AKAP6: variants seen among roughly 807,000 people sequenced by gnomAD.
AKAP6 encodes A-kinase anchor protein 6.
Under a neutral mutation model 188.5 loss-of-function variants are expected in AKAP6, and 58 were observed. The ratio of observed to expected loss-of-function variants is 0.31; its 90% CI spans 0.25 to 0.38. The LOEUF (loss-of-function observed/expected upper bound fraction) is 0.38. AKAP6 is among the 10% of genes least tolerant of loss of function. AKAP6 has a pLI of 1.00. For synonymous variants in AKAP6, 989 were observed against 998.6 expected (o/e 0.99, Z 0.18); for missense variants, 2,710 against 2,740.0 (o/e 0.99, Z 0.24).
intron 5 of AKAP6, among the ~76,000 whole-genome samples, chr14:32,589,794 C>T (rs1194411234): frequency 6.6e-6 from 1 of 152,050 alleles, no homozygotes; most frequent in Non-Finnish European, 1.5e-5. Flanking sequence ...TTAAGCACTT[C>T]CTATTTAGGG....
intron 7 of AKAP6, among the ~76,000 whole-genome samples, chr14:32,639,730 G>A (rs989248214): frequency 1.3e-5 from 2 of 152,302 alleles, no homozygotes; most frequent in Admixed American, 1.3e-4. Context: ...GGTTAGGCAA[G>A]TGTTCACCAA....
intron 7 of AKAP6, among the ~76,000 whole-genome samples, chr14:32,627,073 G>A (rs1425877480): frequency 6.6e-6 from 1 of 152,066 alleles, no homozygotes; most frequent in Non-Finnish European, 1.5e-5. Context: ...TAGAAGAAGA[G>A]ATTATATATT....
At chr14:32,332,852 A>G (rs936040965) in intron 1 of AKAP6, among the ~76,000 whole-genome samples, 2 of 152,160 alleles carry the variant, frequency 1.3e-5, no homozygotes, top group Non-Finnish European at 1.5e-5. Context: ...ACAAAGTACA[A>G]GAATGACAGT....
At position 32,427,289 on chromosome 14, in the gene AKAP6, A is replaced by G. The variant is rs146981654; in HGVS notation, c.-34-6171A>G. Among the ~76,000 whole-genome samples, 767 of 152,284 alleles carry G rather than the reference A, an allele frequency of 5.0e-3. 9 individuals carry two copies. The highest frequency in any genetic ancestry group is 0.018 in the African/African-American group (743 of 41,558). The stretch of plus-strand genomic sequence containing the variant: ...TTACTCTGCGTGAGTGCTGGAGGGC[A>G]TTGGGGTGGGCAGGGAAAGAGAGCA... On this transcript the variant is annotated intron_variant, in intron 1 of 13. Coordinates refer to ENST00000280979, the MANE Select transcript of AKAP6 (RefSeq NM_004274.5).
chr14:32,532,335 T>C (rs1268107798), intron 2 of AKAP6, among the ~76,000 whole-genome samples: 1 of 152,166 alleles, frequency 6.6e-6, no homozygotes, highest in Non-Finnish European at 1.5e-5. Flanking sequence ...CCCTTAGGGG[T>C]CCATCTGCTT....
Position 32,539,574 on chromosome 14 carries a change from G to A in AKAP6, c.576+3769G>A, listed in dbSNP as rs563627092. On this transcript the variant is annotated intron_variant, in intron 3 of 13. Transcript: ENST00000280979. ...ATCCCTGCTTTAGATGTGGAAGAGG[G>A]AGACATAATTTCAGTTTGATAAACT... 1.2e-4 allele frequency among the ~76,000 whole-genome samples: 19 copies of A among 152,254 alleles called. No homozygotes were observed. In the South Asian group the frequency reaches 3.9e-3, roughly 32 times the overall value.
intron 1 of AKAP6, among the ~76,000 whole-genome samples, chr14:32,366,514 TCA>T (rs1052404575): frequency 2.0e-5 from 3 of 152,244 alleles, no homozygotes; most frequent in African/African-American, 7.2e-5. Context: ...CTCTCTGACT[TCA>T]GTCCAAGGTC....
At chr14:32,366,505 T>C (rs1887840189) in intron 1 of AKAP6, among the ~76,000 whole-genome samples, 1 of 152,194 alleles carries the variant, frequency 6.6e-6, no homozygotes, top group African/African-American at 2.4e-5. Context: ...TGGCAGATAC[T>C]CTCTGACTTC....
intron 5 of AKAP6, among the ~76,000 whole-genome samples, chr14:32,596,240 G>A (rs540978572): frequency 1.2e-4 from 19 of 152,176 alleles, no homozygotes; most frequent in African/African-American, 4.3e-4. Flanking sequence ...TATTTCCTTG[G>A]TTTTATGTCC....
At chr14:32,511,808 G>T (rs989444573) in intron 2 of AKAP6, among the ~76,000 whole-genome samples, 1 of 152,002 alleles carries the variant, frequency 6.6e-6, no homozygotes, top group South Asian at 2.1e-4. Flanking sequence ...TAAATGTCTC[G>T]TTCATCTTTC....
intron 2 of AKAP6, among the ~76,000 whole-genome samples, chr14:32,451,061 A>AT (rs1330469095): frequency 6.6e-6 from 1 of 152,154 alleles, no homozygotes; most frequent in African/African-American, 2.4e-5. Flanking sequence ...TTGCAAGTGG[A>AT]TTGGAATTTG....
At chr14:32,656,557 C>A (rs934249344) in intron 7 of AKAP6, among the ~76,000 whole-genome samples, 1 of 152,176 alleles carries the variant, frequency 6.6e-6, no homozygotes, top group African/African-American at 2.4e-5. Context: ...TTTTAGTGAA[C>A]CCACCAGCTG....
At chr14:32,605,596 T>C (rs376893643) in intron 7 of AKAP6, among the ~76,000 whole-genome samples, 6 of 152,328 alleles carry the variant, frequency 3.9e-5, no homozygotes, top group African/African-American at 1.4e-4. Context: ...AGCCAAAATT[T>C]TTATTGTCAT....
At chr14:32,778,335 G>A (rs1464233673) in intron 12 of AKAP6, among the ~76,000 whole-genome samples, 5 of 152,084 alleles carry the variant, frequency 3.3e-5, no homozygotes, top group Non-Finnish European at 5.9e-5. Context: ...GTAATAGACT[G>A]CTTAAATCAA....
chr14:32,707,946 G>A (rs1890882617), intron 9 of AKAP6, among the ~76,000 whole-genome samples: 1 of 151,844 alleles, frequency 6.6e-6, no homozygotes, highest in South Asian at 2.1e-4. Flanking sequence ...AGAGAGGAAG[G>A]GAAGGACAAA....
In AKAP6 at chr14:32,835,260, A is replaced by G. The variant is rs1264465545; in HGVS notation, c.*5455A>G. ...AGTGTAAGACATAAACACCGGCAAT[A>G]GTTGTGTTTTTTTTTTCTTTTTACT... On this transcript the variant is annotated 3_prime_UTR_variant, in exon 14 of 14. Coordinates refer to ENST00000280979, the MANE Select transcript of AKAP6 (RefSeq NM_004274.5). The G allele has an allele frequency of 7.7e-6, 1 of 130,696 alleles. No homozygotes were observed. The highest frequency in any genetic ancestry group is 2.6e-5 in the African/African-American group (1 of 38,936). 8.1% of individuals were successfully genotyped at this position (130,696 alleles called of 1,614,324 possible). A position where few individuals can be genotyped will look rare whatever the true frequency, so the allele number is the denominator to read the frequency against.
chr14:32,613,764 C>T (rs998557241), intron 7 of AKAP6, among the ~76,000 whole-genome samples: 2 of 152,084 alleles, frequency 1.3e-5, no homozygotes, highest in Non-Finnish European at 2.9e-5. Flanking sequence ...TTTTTGATCA[C>T]ACATTGTTCC....
At chr14:32,652,149 T>C (rs1888258043) in intron 7 of AKAP6, among the ~76,000 whole-genome samples, 1 of 152,190 alleles carries the variant, frequency 6.6e-6, no homozygotes, top group South Asian at 2.1e-4. Flanking sequence ...TGTTGTCACC[T>C]AAAAGTTTCC....
Position 32,832,117 on chromosome 14 carries a change from G to A in AKAP6, c.*2312G>A, listed in dbSNP as rs2034826759. ...AGCGGTTTTAGCCAGACATCTAGTT[G>A]CAGTGTTCAAGAGGATTATGGGGGA... On this transcript the variant is annotated 3_prime_UTR_variant, in exon 14 of 14. Coordinates refer to ENST00000280979, the MANE Select transcript of AKAP6 (RefSeq NM_004274.5). The A allele has an allele frequency of 6.6e-6, 1 of 151,914 alleles. No homozygotes were observed. Among genetic ancestry groups the A allele is most frequent in the Admixed American group, 6.6e-5 (1 of 15,240 alleles). 9.4% of individuals were successfully genotyped at this position (151,914 alleles called of 1,614,324 possible). A position where few individuals can be genotyped will look rare whatever the true frequency, so the allele number is the denominator to read the frequency against.
Sources: allele counts gnomAD v4.1 joint callset (sites outside exome capture counted in the v4.1 genomes callset), GRCh38; gene constraint gnomAD v4.1.1; transcripts MANE v1.5; gene names NCBI Gene and HGNC (gene_info 2026-07-23, HGNC 2026-07-21).